Variants in NCAM2 observed in about 807,000 individuals in gnomAD.
NCAM2 encodes neural cell adhesion molecule 2.
NCAM2 carries 30 observed loss-of-function variants against 98.1 expected under a neutral mutation model. The ratio of observed to expected loss-of-function variants is 0.31; its 90% CI spans 0.23 to 0.41. The LOEUF (loss-of-function observed/expected upper bound fraction) is 0.41. Among genes scored for constraint, NCAM2 ranks in the 10% least tolerant of loss-of-function variants. The pLI, the probability that NCAM2 is intolerant of heterozygous loss-of-function variation, is 1.00. For missense variants in NCAM2, 867 were observed against 1,005.8 expected, an observed-to-expected ratio of 0.86 and a Z score of 1.87; for synonymous variants, 368 against 342.4, an observed-to-expected ratio of 1.07 and a Z score of -0.83.
intron 16 of NCAM2, among the ~76,000 whole-genome samples, chr21:21,528,422 G>A (rs926000403): frequency 2.0e-5 from 3 of 152,146 alleles, no homozygotes; most frequent in African/African-American, 7.2e-5. Context: ...TGTTGCTAAT[G>A]GGGGAGGCTA....
At chr21:21,473,450 A>G (rs1016159695) in intron 14 of NCAM2, among the ~76,000 whole-genome samples, 24 of 149,428 alleles carry the variant, frequency 1.6e-4, no homozygotes, top group African/African-American at 5.9e-4. Context: ...TAGCAAATGG[A>G]GTTTTAAATA....
At chr21:21,509,418 A>G (rs1988218017) in intron 16 of NCAM2, among the ~76,000 whole-genome samples, 2 of 152,182 alleles carry the variant, frequency 1.3e-5, no homozygotes, top group African/African-American at 2.4e-5. Context: ...AGGCTTCAAC[A>G]ATAATCTGAG....
rs912234294 is a variant in NCAM2, at chr21:21,266,391, T to A, written c.56-14187T>A. Among the ~76,000 whole-genome samples the A allele has an allele frequency of 2.6e-5, 4 of 152,082 alleles. 1 individual carries two copies. The highest frequency in any genetic ancestry group is 1.3e-4 in the Admixed American group (2 of 15,230). On this transcript the variant is annotated intron_variant, in intron 1 of 17. Coordinates refer to ENST00000400546, the MANE Select transcript of NCAM2 (RefSeq NM_004540.5). ...AGACATTCTCTTTTCTCAGCAAAAA[T>A]TGCATTCTAATTAGAGATATGGCCA...
intron 1 of NCAM2, among the ~76,000 whole-genome samples, chr21:21,012,320 C>A (rs2064226638): frequency 6.6e-6 from 1 of 152,030 alleles, no homozygotes; most frequent in Non-Finnish European, 1.5e-5. Flanking sequence ...TAAATATGAG[C>A]TGTATCTTTA....
chr21:21,017,058 G>A (rs1370345851), intron 1 of NCAM2, among the ~76,000 whole-genome samples: 1 of 152,128 alleles, frequency 6.6e-6, no homozygotes, highest in African/African-American at 2.4e-5. Flanking sequence ...GTATGTAGGA[G>A]AATAACATTT....
intron 12 of NCAM2, among the ~76,000 whole-genome samples, chr21:21,452,957 T>A (rs1230929424): frequency 0.012 from 416 of 34,892 alleles, no homozygotes; most frequent in Non-Finnish European, 0.019. Context: ...ATACTATATA[T>A]TATATATTAT....
chr21:21,109,962 T>C (rs1182328818), intron 1 of NCAM2, among the ~76,000 whole-genome samples: 1 of 152,200 alleles, frequency 6.6e-6, no homozygotes, highest in African/African-American at 2.4e-5. Flanking sequence ...ATTATTTTCT[T>C]AATTCGAGTA....
intron 14 of NCAM2, among the ~76,000 whole-genome samples, chr21:21,474,589 A>T (rs1984905992): frequency 6.6e-6 from 1 of 151,998 alleles, no homozygotes; most frequent in Non-Finnish European, 1.5e-5. Flanking sequence ...ATACATAACA[A>T]AACTGAATTC....
chr21:21,107,339 G>A (rs1232087297), intron 1 of NCAM2, among the ~76,000 whole-genome samples: 1 of 151,914 alleles, frequency 6.6e-6, no homozygotes, highest in African/African-American at 2.4e-5. Context: ...AATAATACCA[G>A]AGCCCACAAT....
intron 1 of NCAM2, among the ~76,000 whole-genome samples, chr21:21,235,535 A>G (rs2070785080): frequency 6.6e-6 from 1 of 152,106 alleles, no homozygotes; most frequent in South Asian, 2.1e-4. Context: ...CTAAAATTAT[A>G]AACTGAAAAC....
chr21:21,507,576 G>A (rs1988061643), intron 15 of NCAM2, among the ~76,000 whole-genome samples: 1 of 152,004 alleles, frequency 6.6e-6, no homozygotes, highest in East Asian at 1.9e-4. Flanking sequence ...GGCGGATCAC[G>A]AGGTCAGGAG....
chr21:21,117,447 A>AT (rs911097374), intron 1 of NCAM2, among the ~76,000 whole-genome samples: 1 of 152,226 alleles, frequency 6.6e-6, no homozygotes, highest in Non-Finnish European at 1.5e-5. Flanking sequence ...TTATTGCAGC[A>AT]TTATGCACAA....
chr21:21,496,444 C>T (rs966446839), intron 15 of NCAM2, among the ~76,000 whole-genome samples: 3 of 151,956 alleles, frequency 2.0e-5, no homozygotes, highest in South Asian at 2.1e-4. Context: ...ATGTCCTTTG[C>T]GTATTCTTTA....
chr21:21,497,162 GCA>G (rs1339888597), intron 15 of NCAM2, among the ~76,000 whole-genome samples: 2 of 152,128 alleles, frequency 1.3e-5, no homozygotes, highest in Non-Finnish European at 2.9e-5. Context: ...TAAGTATTGA[GCA>G]CACATGGACA....
chr21:21,172,127 C>A (rs1322666718), intron 1 of NCAM2, among the ~76,000 whole-genome samples: 1 of 151,130 alleles, frequency 6.6e-6, no homozygotes, highest in Non-Finnish European at 1.5e-5. Context: ...TCTGTGTAGT[C>A]CCCTATTTAA....
At chr21:21,221,424 TCAAA>T (rs2147134694) in intron 1 of NCAM2, among the ~76,000 whole-genome samples, 1 of 151,780 alleles carries the variant, frequency 6.6e-6, no homozygotes, top group East Asian at 2.0e-4. Context: ...TCCTCTCACT[TCAAA>T]CAGTTAGCCA....
At chr21:21,061,261 T>C (rs541751036) in intron 1 of NCAM2, among the ~76,000 whole-genome samples, 10 of 152,302 alleles carry the variant, frequency 6.6e-5, no homozygotes, top group Admixed American at 1.3e-4. Context: ...TTCTTGAATA[T>C]AGTCTAAGTG....
At chr21:21,407,385 A>AT (rs1488075547) in intron 9 of NCAM2, among the ~76,000 whole-genome samples, 3 of 152,228 alleles carry the variant, frequency 2.0e-5, no homozygotes, top group African/African-American at 7.2e-5. Context: ...TGTAGCAAGT[A>AT]TTGCATTCAA....
At chr21:21,510,883 A>G (rs369510714) in intron 16 of NCAM2, among the ~76,000 whole-genome samples, 4 of 152,096 alleles carry the variant, frequency 2.6e-5, no homozygotes, top group East Asian at 3.9e-4. Context: ...GCTCAAATCA[A>G]GAAAAAGAAC....
Sources: gnomAD v4.1 joint callset for allele counts (sites outside exome capture counted in the v4.1 genomes callset) on GRCh38, gnomAD v4.1.1 for gene constraint, MANE v1.5 for transcripts, NCBI Gene and HGNC (gene_info 2026-07-23, HGNC 2026-07-21) for gene names.